DIP2A: variants seen among roughly 807,000 people sequenced by gnomAD.
DIP2A encodes DIP2 acetate--CoA ligase A.
Under a neutral mutation model 177.4 loss-of-function variants are expected in DIP2A, and 85 were observed. The ratio of observed to expected loss-of-function variants is 0.48; its 90% confidence interval spans 0.40 to 0.57. DIP2A has a LOEUF of 0.57. DIP2A is among the 20% of genes least tolerant of loss of function. The pLI is 0.00. For missense variants in DIP2A, 1,791 were observed against 2,100.2 expected (o/e 0.85, Z 2.88); for synonymous variants, 886 against 881.8 (o/e 1.00, Z -0.08).
chr21:46,546,505 C>T (rs2060046541), intron 20 of DIP2A, among the ~76,000 whole-genome samples: 1 of 152,228 alleles, frequency 6.6e-6, no homozygotes, highest in South Asian at 2.1e-4. Context: ...ATGGTATTGT[C>T]AGCCCAGAAG....
chr21:46,512,414 G>A (rs2058353465), intron 8 of DIP2A, among the ~76,000 whole-genome samples: 1 of 152,206 alleles, frequency 6.6e-6, no homozygotes, highest in African/African-American at 2.4e-5. Context: ...CACAGGCAGT[G>A]AGTATGTGAG....
the DIP2A span, among the ~76,000 whole-genome samples, chr21:46,576,939 G>A: frequency 1.6e-4 from 25 of 152,092 alleles, no homozygotes; most frequent in Admixed American, 1.6e-3. Context: ...TTTGACAGGT[G>A]TCTGTTCATG....
intron 6 of DIP2A, among the ~76,000 whole-genome samples, 155 bp downstream of exon 6, chr21:46,504,644 G>A (rs964503911): frequency 2.6e-5 from 4 of 152,200 alleles, no homozygotes; most frequent in African/African-American, 9.6e-5. Context: ...TGCAGTTAAT[G>A]TTATAGAAAG....
chr21:46,487,517 G>A (rs1215227481), intron 2 of DIP2A, among the ~76,000 whole-genome samples: 2 of 152,086 alleles, frequency 1.3e-5, no homozygotes, highest in African/African-American at 4.8e-5. Context: ...GGAAAACAAA[G>A]CAGAATAAAT....
Position 46,546,975 on chromosome 21 carries a change from C to T in DIP2A, c.2455C>T (p.His819Tyr). The T allele has an allele frequency of 1.2e-6, 2 of 1,613,996 alleles. No individual in the cohort carries two copies. The highest frequency in any genetic ancestry group is 8.5e-7 in the Non-Finnish European group (1 of 1,179,892). ...GCTGATGGTCACTGGAGTTCGCAGA[C>T]ACAATGCAGATGACGTTGTGGCCAC... ...DGLMVTGVRR[H>Y]NADDVVATAL... Residue 819 changes from histidine (H) to tyrosine (Y), a missense_variant, in exon 21 of 38, where the codon CAC becomes TAC. By Grantham distance (83) the His-to-Tyr change is moderately conservative. Transcript: ENST00000417564.
At position 46,557,120 on chromosome 21, in the gene DIP2A, CT is replaced by C; in HGVS notation, c.3629+53del. The C allele has an allele frequency of 6.5e-7, 1 of 1,538,560 alleles. No individual in the cohort carries two copies. The highest frequency in any genetic ancestry group is 8.8e-7 in the Non-Finnish European group (1 of 1,136,860). On this transcript the variant is annotated intron_variant, in intron 30 of 37. Transcript: ENST00000417564. This position sits in a 1 kb window ranked among gnomAD's most constrained non-coding sequence, Gnocchi z 6.0. Reference sequence around the variant, plus strand: ...CCAGGTGGGAGCAGCTCGTGTGGCTCTTAGGAACCTTGGCCTTCTAAGGCAC... The same window carrying C: ...CCAGGTGGGAGCAGCTCGTGTGGCTCTAGGAACCTTGGCCTTCTAAGGCAC...
At chr21:46,479,610 C>T (rs118133527) in intron 1 of DIP2A, among the ~76,000 whole-genome samples, 3,420 of 152,242 alleles carry the variant, frequency 0.022, 57 homozygotes, top group South Asian at 0.043. Flanking sequence ...ACCGCAGCCT[C>T]GAACTCCTGG....
intron 10 of DIP2A, 106 bp from the exon 11 acceptor site, chr21:46,533,418 G>T (rs78443123): frequency 0.073 from 97,697 of 1,345,378 alleles, 3,858 homozygotes; most frequent in Non-Finnish European, 0.081. Context: ...GTTTTATGAG[G>T]GATGAAAAAA....
At chr21:46,559,382 T>C (rs930108282) in intron 32 of DIP2A, among the ~76,000 whole-genome samples, 1 of 152,228 alleles carries the variant, frequency 6.6e-6, no homozygotes, top group Admixed American at 6.5e-5. Context: ...TCTGTCTCTG[T>C]TTCCAAAGTG....
rs779069614 is a variant in DIP2A at position 46,539,881 on chromosome 21, G to A, written c.1926G>A (p.Ser642=). 11 of 1,613,496 alleles carry A rather than the reference G, an allele frequency of 6.8e-6. No individual in the cohort carries two copies. Among genetic ancestry groups the A allele is most frequent in the African/African-American group, 1.3e-5 (1 of 74,898 alleles). Residue 642 remains serine (S), a synonymous_variant, in exon 17 of 38, where the codon TCG becomes TCA. Coordinates refer to ENST00000417564, the MANE Select transcript of DIP2A (RefSeq NM_015151.4). ...LIVADGANPW[S]ISSCDAFLNV... ...CACTCTTGTTGCTCTGTGCAGGGTC[G>A]ATCTCCTCCTGTGACGCCTTCCTCA...
chr21:46,554,936 G>A lies in DIP2A; in HGVS notation c.3388+3G>A, dbSNP rs1174690083. 6.4e-7 allele frequency: 1 copy of A among 1,550,944 alleles called. No individual in the cohort carries two copies. Among genetic ancestry groups the A allele is most frequent in the Non-Finnish European group, 8.7e-7 (1 of 1,147,128 alleles). On this transcript the variant is annotated splice_donor_region_variant and intron_variant, in intron 28 of 37. Coordinates refer to ENST00000417564, the MANE Select transcript of DIP2A (RefSeq NM_015151.4). ...CTGGCCCACCATCCTAGACACAGGTGCGTGTCCTCGCACTGCCCAGGACCA... is the reference window on the plus strand; with the variant it reads ...CTGGCCCACCATCCTAGACACAGGTACGTGTCCTCGCACTGCCCAGGACCA...
intron 2 of DIP2A, among the ~76,000 whole-genome samples, chr21:46,486,129 G>A (rs2056680538): frequency 6.7e-6 from 1 of 150,266 alleles, no homozygotes; most frequent in Middle Eastern, 3.2e-3. Context: ...ACCGAGCAGT[G>A]CTGTCCAGTA....
At chr21:46,492,870 G>A (rs1250875073) in intron 3 of DIP2A, among the ~76,000 whole-genome samples, 4 of 152,150 alleles carry the variant, frequency 2.6e-5, no homozygotes, top group South Asian at 2.1e-4. Context: ...GAACCGGTAG[G>A]TGGAGGTTGC....
intron 23 of DIP2A, 45 bp from the exon 24 acceptor site, chr21:46,551,589 T>C: frequency 2.6e-6 from 4 of 1,511,212 alleles, no homozygotes; most frequent in Non-Finnish European, 3.7e-6. Flanking sequence ...GATGTTTATA[T>C]ATGAGAAGTC....
intron 2 of DIP2A, among the ~76,000 whole-genome samples, chr21:46,488,762 G>A (rs137935922): frequency 1.8e-3 from 270 of 152,188 alleles, no homozygotes; most frequent in African/African-American, 6.2e-3. Flanking sequence ...AACCTTTTTG[G>A]AAAGTTATCT....
At chr21:46,485,018 A>T (rs1220059032) in intron 2 of DIP2A, among the ~76,000 whole-genome samples, 190 bp downstream of exon 2, 1 of 152,212 alleles carries the variant, frequency 6.6e-6, no homozygotes, top group Non-Finnish European at 1.5e-5. Flanking sequence ...TATGCCTCTA[A>T]TATTAAATAA....
In DIP2A at chr21:46,538,580, T is replaced by C; in HGVS notation, c.1899T>C (p.Ile633=). The change falls in exon 16 of 38, where the codon ATT becomes ATC. Residue 633 remains isoleucine, a synonymous_variant. Transcript: ENST00000417564. The stretch of plus-strand genomic sequence containing the variant: ...GCCTCAGCTCACTGCGCATGCTGAT[T>C]GTGGCCGATGGTGCCAACCCGTGTG... ...DVSLSSLRML[I]VADGANPWSI... 6.4e-7 allele frequency: 1 copy of C among 1,557,386 alleles called. No homozygotes were observed. Among genetic ancestry groups the C allele is most frequent in the Non-Finnish European group, 8.7e-7 (1 of 1,152,346 alleles).
At chr21:46,487,222 G>T (rs896364957) in intron 2 of DIP2A, among the ~76,000 whole-genome samples, 5 of 152,056 alleles carry the variant, frequency 3.3e-5, no homozygotes, top group Non-Finnish European at 5.9e-5. Context: ...TGCCTATATT[G>T]GTATGATATA....
chr21:46,554,613 T>C lies in DIP2A; in HGVS notation c.3193T>C (p.Cys1065Arg), dbSNP rs1470152140. The C allele has an allele frequency of 6.2e-7, 1 of 1,609,676 alleles. No individual in the cohort carries two copies. The highest frequency in any genetic ancestry group is 1.3e-5 in the African/African-American group (1 of 75,010). Residue 1065 changes from cysteine (C) to arginine (R), a missense_variant, in exon 27 of 38, where the codon TGT becomes CGT. Coordinates refer to ENST00000417564, the MANE Select transcript of DIP2A (RefSeq NM_015151.4). ...TGCCGCGTTCTATGGCTGCTTGTAC[T>C]GTGGCTGCGTGCCTGTCACCGTGCG... Reference protein sequence around the residue: ...LIAAFYGCLYCGCVPVTVRPP... With the variant: ...LIAAFYGCLYRGCVPVTVRPP...
Sources: gnomAD v4.1 joint callset for allele counts (sites outside exome capture counted in the v4.1 genomes callset) on GRCh38, gnomAD v4.1.1 for gene constraint, Gnocchi (gnomAD v3.1) non-coding constraint, MANE v1.5 for transcripts, NCBI Gene and HGNC (gene_info 2026-07-23, HGNC 2026-07-21) for gene names.